The following FSIP2 variants were observed in gnomAD, a reference collection of about 807,000 sequenced individuals.
FSIP2 encodes the protein fibrous sheath interacting protein 2.
FSIP2 carries 367 observed loss-of-function variants against 510.5 expected under a neutral mutation model. The ratio of observed to expected loss-of-function variants is 0.72; its 90% CI spans 0.66 to 0.78. FSIP2 has a LOEUF of 0.78. Among genes scored for constraint, FSIP2 ranks in the 30% least tolerant of loss-of-function variants. FSIP2 has a pLI of 0.00. For missense variants in FSIP2, 7,594 were observed against 7,901.7 expected (o/e 0.96, Z 1.48); for synonymous variants, 2,601 against 2,732.2 (o/e 0.95, Z 1.50).
chr2:185,804,083 C>A lies in FSIP2; in HGVS notation c.14777C>A (p.Thr4926Asn). 1 of 1,527,248 alleles carries A rather than the reference C, an allele frequency of 6.5e-7. No homozygotes were observed. The highest frequency in any genetic ancestry group is 1.2e-5 in the South Asian group (1 of 82,664). 94.6% of individuals were successfully genotyped at this position (1,527,248 alleles called of 1,614,324 possible). ...KTLLLAAVDQ[T>N]YKLKAIDPKQ... ...CTCCTTTTGGCAGCAGTTGATCAAA[C>A]TTATAAATTGAAAGCAATAGATCCT... Residue 4926 changes from threonine to asparagine, a missense_variant, in exon 17 of 23, where the codon ACT becomes AAT. Transcript: ENST00000424728.
At chr2:185,744,897 A>C (rs1032476366) in intron 4 of FSIP2, 1 of 152,660 alleles carries the variant, frequency 6.6e-6, no homozygotes, top group Non-Finnish European at 1.5e-5. Flanking sequence ...TTGAATGTGA[A>C]GTAGAATGAT....
At chr2:185,818,691 A>C (rs1287621101) in intron 19 of FSIP2, among the ~76,000 whole-genome samples, 1 of 151,898 alleles carries the variant, frequency 6.6e-6, no homozygotes, top group Middle Eastern at 3.2e-3. Context: ...AAAAACAAAT[A>C]CTGTCAAACA....
intron 19 of FSIP2, 132 bp downstream of exon 19, chr2:185,815,603 T>C (rs1693811358): frequency 2.0e-6 from 1 of 505,258 alleles, no homozygotes; most frequent in African/African-American, 2.0e-5. Flanking sequence ...TTCCCTTCAG[T>C]GGCACCCTAC....
chr2:185,749,950 C>T (rs1692109301), intron 7 of FSIP2, among the ~76,000 whole-genome samples: 1 of 151,610 alleles, frequency 6.6e-6, no homozygotes, highest in African/African-American at 2.4e-5. Context: ...TGGTTCATTG[C>T]TTAGTAGATA....
chr2:185,799,782 T>C lies in FSIP2; in HGVS notation c.10476T>C (p.Asp3492=). The C allele has an allele frequency of 6.5e-7, 1 of 1,527,850 alleles. No individual in the cohort carries two copies. Among genetic ancestry groups the C allele is most frequent in the Non-Finnish European group, 8.8e-7 (1 of 1,142,234 alleles). 94.6% of individuals were successfully genotyped at this position (1,527,850 alleles called of 1,614,324 possible). Residue 3492 remains aspartate, a synonymous_variant, in exon 17 of 23, where the codon GAT becomes GAC. Transcript: ENST00000424728. ...SKQFLRNIYD[D]SSIYQCCEHL... Reference sequence around the variant, plus strand: ...AGTTCCTAAGAAACATATACGATGATTCTTCAATTTATCAATGTTGTGAAC... The same window carrying C: ...AGTTCCTAAGAAACATATACGATGACTCTTCAATTTATCAATGTTGTGAAC...
chr2:185,788,764 A>T lies in FSIP2; in HGVS notation c.1628A>T (p.Tyr543Phe), dbSNP rs1294241371. 4 of 1,534,410 alleles carry T rather than the reference A, an allele frequency of 2.6e-6. No homozygotes were observed. The highest frequency in any genetic ancestry group is 3.5e-6 in the Non-Finnish European group (4 of 1,145,686). Reference sequence around the variant, plus strand: ...GAAAAAAGATTGCAAAATAATACATACCCAGTATCTGATGACTCCATCCTC... The same window carrying T: ...GAAAAAAGATTGCAAAATAATACATTCCCAGTATCTGATGACTCCATCCTC... ...KYEKRLQNNT[Y>F]PVSDDSILSS... The change falls in exon 16 of 23, where the codon TAC becomes TTC. Residue 543 changes from tyrosine (Y) to phenylalanine (F), a missense_variant. Transcript: ENST00000424728.
intron 13 of FSIP2, chr2:185,765,615 T>C (rs1692456218): frequency 6.6e-6 from 1 of 152,126 alleles, no homozygotes; most frequent in South Asian, 2.1e-4. Context: ...TAGGATTGAA[T>C]TGGTGATGCG....
At chr2:185,828,096 C>T (rs1694046522) in intron 20 of FSIP2, 60 bp from the exon 21 acceptor site, 1 of 916,134 alleles carries the variant, frequency 1.1e-6, no homozygotes, top group East Asian at 2.4e-5. Context: ...AGATTTGTGT[C>T]AACAAATATA....
At chr2:185,773,337 G>A (rs983059544) in intron 13 of FSIP2, among the ~76,000 whole-genome samples, 4 of 152,112 alleles carry the variant, frequency 2.6e-5, no homozygotes, top group Non-Finnish European at 2.9e-5. Context: ...CTCTTCTGGC[G>A]TGTAAGGTTT....
In FSIP2 at chr2:185,802,142, C is replaced by T. The variant is rs1693454710; in HGVS notation, c.12836C>T (p.Ser4279Phe). The change falls in exon 17 of 23, where the codon TCT becomes TTT. Residue 4279 changes from serine to phenylalanine, a missense_variant. Coordinates refer to ENST00000424728, the MANE Select transcript of FSIP2 (RefSeq NM_173651.4). ...CCAAGGACTCCACTGGATCCAGTGT[C>T]TACTATTGTTACACAGGTTCTGAGT... is the stretch of plus-strand genomic sequence containing the variant. ...CHPRTPLDPV[S>F]TIVTQVLSEV... The T allele has an allele frequency of 6.5e-7, 1 of 1,533,090 alleles. No homozygotes were observed. The highest frequency in any genetic ancestry group is 2.4e-5 in the East Asian group (1 of 40,820). 95.0% of individuals were successfully genotyped at this position (1,533,090 alleles called of 1,614,324 possible). A position where few individuals can be genotyped will look rare whatever the true frequency, so the allele number is the denominator to read the frequency against.
At chr2:185,759,520 TAA>T (rs966680397) in intron 9 of FSIP2, among the ~76,000 whole-genome samples, 7 of 144,202 alleles carry the variant, frequency 4.9e-5, no homozygotes, top group Non-Finnish European at 9.1e-5. Flanking sequence ...ATATAATATA[TAA>T]GATAATTAAC....
Position 185,792,742 on chromosome 2 carries a change from A to G in FSIP2, c.5606A>G (p.Tyr1869Cys). ...GAAAGAAATGTAAGGGAAAATAGGT[A>G]TAAAACTATCACTTTTTCAGCAAAT... ...MTERNVRENR[Y>C]KTITFSANVS... The change falls in exon 16 of 23, where the codon TAT becomes TGT. Residue 1869 changes from tyrosine (Y) to cysteine (C), a missense_variant. Transcript: ENST00000424728. 6.5e-7 allele frequency: 1 copy of G among 1,534,230 alleles called. No individual in the cohort carries two copies. The highest frequency in any genetic ancestry group is 8.7e-7 in the Non-Finnish European group (1 of 1,145,632).
At chr2:185,817,167 C>A (rs1036358787) in intron 19 of FSIP2, among the ~76,000 whole-genome samples, 1 of 152,004 alleles carries the variant, frequency 6.6e-6, no homozygotes, top group East Asian at 1.9e-4. Flanking sequence ...ACAGTTTCCT[C>A]CCTTTGGTGG....
chr2:185,787,172 G>C (rs1335875139), intron 15 of FSIP2, among the ~76,000 whole-genome samples: 1 of 151,664 alleles, frequency 6.6e-6, no homozygotes, highest in Non-Finnish European at 1.5e-5. Flanking sequence ...TAAACATTTA[G>C]GTATGATTCT....
Position 185,801,428 on chromosome 2 carries a change from A to C in FSIP2, c.12122A>C (p.Glu4041Ala). The C allele has an allele frequency of 6.5e-7, 1 of 1,534,068 alleles. No homozygotes were observed. The highest frequency in any genetic ancestry group is 8.7e-7 in the Non-Finnish European group (1 of 1,145,562). Residue 4041 changes from glutamate (E) to alanine (A), a missense_variant, in exon 17 of 23, where the codon GAA becomes GCA. By Grantham distance (107) the Glu-to-Ala change is moderately radical. Transcript: ENST00000424728. Reference sequence around the variant, plus strand: ...CTGTGTTTTCCACCAGTTCATACAGAAACTGTTAGCAAAATTGTTGACTCA... The same window carrying C: ...CTGTGTTTTCCACCAGTTCATACAGCAACTGTTAGCAAAATTGTTGACTCA... ...ERLCFPPVHT[E>A]TVSKIVDSVY...
chr2:185,809,024 C>A lies in FSIP2; in HGVS notation c.19718C>A (p.Ser6573Ter). 6.2e-7 allele frequency: 1 copy of A among 1,612,556 alleles called. No homozygotes were observed. The highest frequency in any genetic ancestry group is 8.5e-7 in the Non-Finnish European group (1 of 1,179,390). The change falls in exon 17 of 23, where the codon TCA (serine) becomes TAA (stop). Residue 6573 changes from serine to a stop codon, truncating the protein, a stop_gained. Transcript: ENST00000424728. LOFTEE classifies it high-confidence loss of function. ...GHSIAELRRA[S>*]ISGRNYSLGS... Reference sequence around the variant, plus strand: ...AGCATAGCAGAACTGAGAAGAGCATCAATAAGTGGGAGAAATTACTCCTTA... The same window carrying A: ...AGCATAGCAGAACTGAGAAGAGCATAAATAAGTGGGAGAAATTACTCCTTA...
Position 185,793,027 on chromosome 2 carries a change from C to T in FSIP2, c.5891C>T (p.Ala1964Val), listed in dbSNP as rs1371698518. ...CAAGATCACAGTACATTGAGCAAAGCATTATCAGCCAAAGATTCATATTCT... is the reference window on the plus strand; with the variant it reads ...CAAGATCACAGTACATTGAGCAAAGTATTATCAGCCAAAGATTCATATTCT... The part of the protein sequence containing the change: ...IQQDHSTLSK[A>V]LSAKDSYSDE... Residue 1964 changes from alanine (A) to valine (V), a missense_variant, in exon 16 of 23, where the codon GCA (alanine) becomes GTA (valine). Coordinates refer to ENST00000424728, the MANE Select transcript of FSIP2 (RefSeq NM_173651.4). 6.5e-7 allele frequency: 1 copy of T among 1,534,234 alleles called. No homozygotes were observed. Among genetic ancestry groups the T allele is most frequent in the Non-Finnish European group, 8.7e-7 (1 of 1,145,542 alleles).
chr2:185,791,383 A>G lies in FSIP2; in HGVS notation c.4247A>G (p.His1416Arg). The change falls in exon 16 of 23, where the codon CAC becomes CGC. Residue 1416 changes from histidine (H) to arginine (R), a missense_variant. Transcript: ENST00000424728. ...HKYLATPCTH[H>R]SVNGGNHIKE... ...TATTTGGCTACTCCTTGTACTCACC[A>G]CAGTGTCAATGGTGGAAACCATATT... 1.3e-6 allele frequency: 2 copies of G among 1,534,262 alleles called. No homozygotes were observed. The highest frequency in any genetic ancestry group is 1.7e-6 in the Non-Finnish European group (2 of 1,145,584).
At chr2:185,757,565 C>T (rs1692267509) in intron 9 of FSIP2, among the ~76,000 whole-genome samples, 1 of 151,250 alleles carries the variant, frequency 6.6e-6, no homozygotes, top group African/African-American at 2.4e-5. Context: ...AGAGGTGCTC[C>T]TCTTTCCCAC....
Sources: gnomAD v4.1 joint callset for allele counts (sites outside exome capture counted in the v4.1 genomes callset) on GRCh38, gnomAD v4.1.1 for gene constraint, MANE v1.5 for transcripts, NCBI Gene and HGNC (gene_info 2026-07-23, HGNC 2026-07-21) for gene names.